Variants in ZC3H12C observed in about 807,000 individuals in gnomAD.
The protein encoded by ZC3H12C is probable ribonuclease ZC3H12C.
ZC3H12C carries 20 observed loss-of-function variants against 76.3 expected under a neutral mutation model. The ratio of observed to expected loss-of-function variants is 0.26; its 90% CI spans 0.18 to 0.38. The LOEUF is 0.38. Among genes scored for constraint, ZC3H12C ranks in the 10% least tolerant of loss-of-function variants. ZC3H12C has a pLI of 1.00. For missense variants in ZC3H12C, 874 were observed against 1,086.5 expected, an observed-to-expected ratio of 0.80 and a Z score of 2.75; for synonymous variants, 352 against 399.6, an observed-to-expected ratio of 0.88 and a Z score of 1.42.
chr11:110,161,634 C>T (rs533104828), intron 4 of ZC3H12C, among the ~76,000 whole-genome samples: 9 of 152,198 alleles, frequency 5.9e-5, no homozygotes, highest in African/African-American at 2.2e-4. Context: ...TCACAGAAGC[C>T]TCAAGAATAT....
rs776100564 is a variant in ZC3H12C at position 110,153,017 on chromosome 11, C to A, written c.872C>A (p.Ala291Asp). ...GHKDITVFVP[A>D]WRKEQSRPDA... ...AAAGACATTACAGTTTTTGTTCCTG[C>A]TTGGAGGAAAGAGCAATCCCGACCT... The change falls in exon 3 of 6, where the codon GCT (alanine) becomes GAT (aspartate). Residue 291 changes from alanine to aspartate, a missense_variant. Physicochemically the swap from Ala to Asp is moderately radical, Grantham distance 126 (BLOSUM62 -2). Around this residue, in one of 3 missense-constraint regions of ZC3H12C, gnomAD observed 269 missense variants for 424.9 expected, o/e 0.63. Coordinates refer to ENST00000278590, the MANE Select transcript of ZC3H12C (RefSeq NM_033390.2). 6.2e-7 allele frequency: 1 copy of A among 1,611,876 alleles called. No homozygotes were observed. The highest frequency in any genetic ancestry group is 8.5e-7 in the Non-Finnish European group (1 of 1,178,972).
Position 110,164,194 on chromosome 11 carries a change from G to A in ZC3H12C, c.1256-147G>A, listed in dbSNP as rs1039284512. The stretch of plus-strand genomic sequence containing the variant: ...AGAAATGAGAAGACTGAGAAGTGAC[G>A]TTTCTCAAGAGTAAAGAACAGAGTG... On this transcript the variant is annotated intron_variant, in intron 5 of 5. Transcript: ENST00000278590. The surrounding 1 kb of genome is among the most constrained non-coding windows in gnomAD (Gnocchi z 5.7). 4.6e-5 allele frequency: 33 copies of A among 713,980 alleles called. 1 individual carries two copies. The South Asian group carries it at 6.5e-4, about 14-fold the overall frequency. The allele number at this position is 713,980 out of a possible 1,614,324, so 44.2% of individuals were successfully genotyped here.
In ZC3H12C at chr11:110,166,385, G is replaced by A. The variant is rs1256695265; in HGVS notation, c.*648G>A. The A allele has an allele frequency of 6.6e-6, 1 of 151,878 alleles. No homozygotes were observed. Among genetic ancestry groups the A allele is most frequent in the African/African-American group, 2.4e-5 (1 of 41,372 alleles). The allele number at this position is 151,878 out of a possible 1,614,324, so 9.4% of individuals were successfully genotyped here. A position where few individuals can be genotyped will look rare whatever the true frequency, so the allele number is the denominator to read the frequency against. On this transcript the variant is annotated 3_prime_UTR_variant, in exon 6 of 6. Transcript: ENST00000278590. ...AATGATTTACAATATGGCACTTTTC[G>A]ATGTGTTATTTTTGTTTGGATTTTT...
rs1324640142 is a variant in ZC3H12C, at chr11:110,168,377, A to T, written c.*2640A>T. Reference sequence around the variant, plus strand: ...AGAGCTGTAGAATGAGATAATTGGCAGACTTTAGGTACAGCAAATTCTTAC... The same window carrying T: ...AGAGCTGTAGAATGAGATAATTGGCTGACTTTAGGTACAGCAAATTCTTAC... On this transcript the variant is annotated 3_prime_UTR_variant, in exon 6 of 6. Coordinates refer to ENST00000278590, the MANE Select transcript of ZC3H12C (RefSeq NM_033390.2). 1 of 152,188 alleles carries T rather than the reference A, an allele frequency of 6.6e-6. No individual in the cohort carries two copies. The highest frequency in any genetic ancestry group is 1.9e-4 in the East Asian group (1 of 5,202). The allele number at this position is 152,188 out of a possible 1,614,324, so 9.4% of individuals were successfully genotyped here. A position where few individuals can be genotyped will look rare whatever the true frequency, so the allele number is the denominator to read the frequency against.
At chr11:110,095,305 A>G (rs1006315131) in intron 1 of ZC3H12C, among the ~76,000 whole-genome samples, 1 of 152,230 alleles carries the variant, frequency 6.6e-6, no homozygotes, top group Non-Finnish European at 1.5e-5. Context: ...TCATTCTACA[A>G]CTAGGTCTTC....
chr11:110,104,948 AAT>A (rs2134147723), intron 1 of ZC3H12C, among the ~76,000 whole-genome samples: 1 of 152,278 alleles, frequency 6.6e-6, no homozygotes, highest in South Asian at 2.1e-4. Flanking sequence ...TATTGCTTTT[AAT>A]ATGTCAGTTT....
At chr11:110,115,748 C>CTTTTTTTTTTTTT (rs71476067) in intron 1 of ZC3H12C, among the ~76,000 whole-genome samples, 6 of 120,320 alleles carry the variant, frequency 5.0e-5, no homozygotes, top group Non-Finnish European at 3.4e-5. Flanking sequence ...TTCTCATTTT[C>CTTTTTTTTTTTTT]TTTTTTTTTT....
At position 110,166,614 on chromosome 11, in the gene ZC3H12C, TTAATA is replaced by T. The variant is rs1862590026; in HGVS notation, c.*879_*883del. On this transcript the variant is annotated 3_prime_UTR_variant, in exon 6 of 6. Coordinates refer to ENST00000278590, the MANE Select transcript of ZC3H12C (RefSeq NM_033390.2). ...CCTAGATTTCCATTAACCTGTATTT[TTAATA>T]TGTCTGTCTTTTTGTTTTGGGGCAC... The T allele has an allele frequency of 6.6e-6, 1 of 152,216 alleles. No individual in the cohort carries two copies. The highest frequency in any genetic ancestry group is 1.5e-5 in the Non-Finnish European group (1 of 68,020). The allele number at this position is 152,216 out of a possible 1,614,324, so 9.4% of individuals were successfully genotyped here. A position where few individuals can be genotyped will look rare whatever the true frequency, so the allele number is the denominator to read the frequency against.
chr11:110,158,740 C>T (rs765651513), intron 3 of ZC3H12C, among the ~76,000 whole-genome samples: 23 of 152,324 alleles, frequency 1.5e-4, no homozygotes, highest in Admixed American at 5.9e-4. Flanking sequence ...GAACTTTCTG[C>T]ATTTAAAGAT....
rs1347364131 is a variant in ZC3H12C at position 110,165,449 on chromosome 11, G to A, written c.2364G>A (p.Gly788=). ...CAGGCTATGGGATCGACGCCTATGG[G>A]TACCGGCAGACTTATTCCTTGCCCG... is the stretch of plus-strand genomic sequence containing the variant. The part of the protein sequence containing the change: ...ERPGYGIDAY[G]YRQTYSLPDN... Residue 788 remains glycine (G), a synonymous_variant, in exon 6 of 6, where the codon GGG becomes GGA. Transcript: ENST00000278590. 2 of 1,613,892 alleles carry A rather than the reference G, an allele frequency of 1.2e-6. No individual in the cohort carries two copies. Among genetic ancestry groups the A allele is most frequent in the East Asian group, 4.5e-5 (2 of 44,898 alleles).
chr11:110,115,513 G>T (rs766567708), intron 1 of ZC3H12C, among the ~76,000 whole-genome samples: 3 of 152,008 alleles, frequency 2.0e-5, no homozygotes, highest in Non-Finnish European at 4.4e-5. Context: ...ACATTGGCCA[G>T]GCTGATCTTG....
rs562823826 is a variant in ZC3H12C at position 110,170,056 on chromosome 11, T to A, written c.*4319T>A. 1 of 152,364 alleles carries A rather than the reference T, an allele frequency of 6.6e-6. No homozygotes were observed. The highest frequency in any genetic ancestry group is 1.5e-5 in the Non-Finnish European group (1 of 68,010). The allele number at this position is 152,364 out of a possible 1,614,324, so 9.4% of individuals were successfully genotyped here. On this transcript the variant is annotated 3_prime_UTR_variant, in exon 6 of 6. Transcript: ENST00000278590. ...AGAAGAAATCATAATTGCATTTCAG[T>A]TGACATTAAAAGAAAATCTGGTAGT...
intron 1 of ZC3H12C, among the ~76,000 whole-genome samples, chr11:110,114,839 T>C (rs1861496140): frequency 6.6e-6 from 1 of 152,222 alleles, no homozygotes; most frequent in South Asian, 2.1e-4. Context: ...AGTTAACAGT[T>C]ATTTTAGGGG....
Position 110,166,159 on chromosome 11 carries a change from A to T in ZC3H12C, c.*422A>T, listed in dbSNP as rs559498260. ...GAATGTGGGACATTTGACTAGACCT[A>T]GCAAACTGTTTTTTCGAGCCAAGCT... On this transcript the variant is annotated 3_prime_UTR_variant, in exon 6 of 6. Transcript: ENST00000278590. 1 of 158,348 alleles carries T rather than the reference A, an allele frequency of 6.3e-6. No homozygotes were observed. Among genetic ancestry groups the T allele is most frequent in the South Asian group, 1.9e-4 (1 of 5,246 alleles). The allele number at this position is 158,348 out of a possible 1,614,324, so 9.8% of individuals were successfully genotyped here.
At chr11:110,117,830 A>G (rs1287007456) in intron 1 of ZC3H12C, among the ~76,000 whole-genome samples, 2 of 135,646 alleles carry the variant, frequency 1.5e-5, no homozygotes, top group South Asian at 2.3e-4. Context: ...ACACACACAT[A>G]TAATATATAT....
intron 1 of ZC3H12C, among the ~76,000 whole-genome samples, chr11:110,107,810 G>A (rs1016971156): frequency 6.6e-6 from 1 of 152,166 alleles, no homozygotes; most frequent in Admixed American, 6.5e-5. Flanking sequence ...TTACAGGTGT[G>A]AGCCACTGCA....
At chr11:110,151,965 A>C (rs1194769612) in intron 2 of ZC3H12C, among the ~76,000 whole-genome samples, 1 of 152,148 alleles carries the variant, frequency 6.6e-6, no homozygotes, top group Non-Finnish European at 1.5e-5. Flanking sequence ...AGTTTATGCT[A>C]AAAGTTAATA....
At chr11:110,132,269 CA>C (rs1227087838) in intron 1 of ZC3H12C, among the ~76,000 whole-genome samples, 18 of 151,826 alleles carry the variant, frequency 1.2e-4, no homozygotes, top group Middle Eastern at 3.4e-3. Context: ...AAGAATTATC[CA>C]AGTTAACTAA....
At chr11:110,113,531 CTA>C (rs1393389571) in intron 1 of ZC3H12C, among the ~76,000 whole-genome samples, 2 of 152,094 alleles carry the variant, frequency 1.3e-5, no homozygotes. Flanking sequence ...CAATTCAATC[CTA>C]TGTTTTTGTT....
Sources: allele counts gnomAD v4.1 joint callset (sites outside exome capture counted in the v4.1 genomes callset), GRCh38; gene constraint gnomAD v4.1.1; regional missense constraint gnomAD v4.1.1; non-coding constraint Gnocchi (gnomAD v3.1); transcripts MANE v1.5; gene names NCBI Gene and HGNC (gene_info 2026-07-23, HGNC 2026-07-21).